The following ZMIZ1 variants were observed in gnomAD, a reference collection of about 807,000 sequenced individuals.
The protein encoded by ZMIZ1 is zinc finger MIZ-type containing 1.
ZMIZ1 carries 17 observed loss-of-function variants against 113.9 expected under a neutral mutation model. That is an observed-to-expected ratio of 0.15 (90% confidence interval 0.10 to 0.22). ZMIZ1 has a LOEUF of 0.22. Among genes scored for constraint, ZMIZ1 ranks in the 10% least tolerant of loss-of-function variants. The pLI is 1.00. For synonymous variants in ZMIZ1, 607 were observed against 603.1 expected (o/e 1.01, Z -0.09); for missense variants, 1,059 against 1,477.8 (o/e 0.72, Z 4.65).
chr10:79,199,767 G>A (rs1224944497), intron 4 of ZMIZ1, among the ~76,000 whole-genome samples: 3 of 152,132 alleles, frequency 2.0e-5, no homozygotes, highest in Admixed American at 6.5e-5. Context: ...ATATCTTTGT[G>A]GACTTTCTGA....
chr10:79,195,319 T>C (rs996458143), intron 4 of ZMIZ1, among the ~76,000 whole-genome samples: 1 of 152,224 alleles, frequency 6.6e-6, no homozygotes, highest in Admixed American at 6.5e-5. Context: ...TCCCCCATGC[T>C]GATTAGCTTT....
chr10:79,071,068 C>T (rs983603827), intron 1 of ZMIZ1, among the ~76,000 whole-genome samples: 1 of 152,200 alleles, frequency 6.6e-6, no homozygotes. Context: ...CATTTGGAGC[C>T]CTCTGGGTGG....
At chr10:79,094,312 A>G (rs1044365724) in intron 1 of ZMIZ1, among the ~76,000 whole-genome samples, 1 of 152,082 alleles carries the variant, frequency 6.6e-6, no homozygotes, top group Admixed American at 6.5e-5. Context: ...GCTGGGGCCA[A>G]GGCGGCCTCT....
At chr10:79,257,553 G>GGCATTGGGAGGTGCTA (rs1276653634) in intron 7 of ZMIZ1, among the ~76,000 whole-genome samples, 1 of 152,262 alleles carries the variant, frequency 6.6e-6, no homozygotes, top group South Asian at 2.1e-4. Context: ...CCCTGTGCCT[G>GGCATTGGGAGGTGCTA]GCATTGGGAG....
chr10:79,220,298 G>A (rs1848912919), intron 7 of ZMIZ1, among the ~76,000 whole-genome samples: 1 of 152,186 alleles, frequency 6.6e-6, no homozygotes, highest in Admixed American at 6.5e-5. Context: ...GCTTCCATGT[G>A]TCTGTCTCTT....
Position 79,312,751 on chromosome 10 carries a change from G to T in ZMIZ1, c.*2G>T. The stretch of plus-strand genomic sequence containing the variant: ...CTGTCTCTATTTGAGAACAACTGAG[G>T]GCCACCCGGTCGGGGCCATCCCTCC... On this transcript the variant is annotated 3_prime_UTR_variant, in exon 25 of 25. Transcript: ENST00000334512. The T allele has an allele frequency of 6.2e-7, 1 of 1,613,924 alleles. No individual in the cohort carries two copies. Among genetic ancestry groups the T allele is most frequent in the Non-Finnish European group, 8.5e-7 (1 of 1,179,784 alleles).
chr10:79,232,276 T>G (rs1446941617), intron 7 of ZMIZ1, among the ~76,000 whole-genome samples: 1 of 152,136 alleles, frequency 6.6e-6, no homozygotes, highest in African/African-American at 2.4e-5. Context: ...TGAGACAGAA[T>G]AGGTGAGTGG....
At chr10:79,272,847 C>T (rs1161047281) in intron 7 of ZMIZ1, among the ~76,000 whole-genome samples, 1 of 152,186 alleles carries the variant, frequency 6.6e-6, no homozygotes, top group Non-Finnish European at 1.5e-5. Context: ...GATTAAGGCT[C>T]AGCATTGGCA....
At chr10:79,096,579 G>A (rs1368639622) in intron 1 of ZMIZ1, among the ~76,000 whole-genome samples, 1 of 151,642 alleles carries the variant, frequency 6.6e-6, no homozygotes, top group Non-Finnish European at 1.5e-5. Flanking sequence ...TGGAGGTGAG[G>A]GGTGGGAAGG....
At chr10:79,260,708 C>T (rs556772095) in intron 7 of ZMIZ1, among the ~76,000 whole-genome samples, 39 of 152,258 alleles carry the variant, frequency 2.6e-4, no homozygotes, top group Admixed American at 2.3e-3. Context: ...GTGGAATCAT[C>T]GGATGTGATG....
chr10:79,261,897 A>T (rs1334592425), intron 7 of ZMIZ1, among the ~76,000 whole-genome samples: 3 of 152,174 alleles, frequency 2.0e-5, no homozygotes, highest in African/African-American at 7.2e-5. Flanking sequence ...ATAGTTCATA[A>T]CTAGTAGATA....
chr10:79,215,877 A>T (rs1304701305), intron 6 of ZMIZ1, among the ~76,000 whole-genome samples: 1 of 152,110 alleles, frequency 6.6e-6, no homozygotes, highest in Non-Finnish European at 1.5e-5. Context: ...GACTTCTAAA[A>T]TGTGGTCGAA....
At chr10:79,217,153 G>A (rs1456918355) in intron 7 of ZMIZ1, among the ~76,000 whole-genome samples, 1 of 152,252 alleles carries the variant, frequency 6.6e-6, no homozygotes, top group Non-Finnish European at 1.5e-5. Flanking sequence ...GCCGGGCGCG[G>A]TGGCTCACGC....
chr10:79,293,823 G>T, intron 12 of ZMIZ1, 170 bp downstream of exon 12: 1 of 1,001,572 alleles, frequency 1.0e-6, no homozygotes, highest in East Asian at 2.6e-5. Context: ...TGGTTCTGCT[G>T]TTTCCCAACT....
rs1854679557 is a variant in ZMIZ1, at chr10:79,306,186, C to T, written c.2510C>T (p.Pro837Leu). Residue 837 changes from proline to leucine, a missense_variant, in exon 22 of 25, where the codon CCT becomes CTT. Transcript: ENST00000334512. ...TCGGACTTACACATCAAGGACGACC[C>T]TGATGGCATCCCCTCCAAGCGGTTC... is the stretch of plus-strand genomic sequence containing the variant. ...IKSDLHIKDDPDGIPSKRFKT... is the reference protein window; with the variant it reads ...IKSDLHIKDDLDGIPSKRFKT... The T allele has an allele frequency of 6.2e-7, 1 of 1,614,056 alleles. No individual in the cohort carries two copies. The highest frequency in any genetic ancestry group is 8.5e-7 in the Non-Finnish European group (1 of 1,180,034).
At chr10:79,212,837 G>T (rs1045472097) in intron 6 of ZMIZ1, among the ~76,000 whole-genome samples, 5 of 152,038 alleles carry the variant, frequency 3.3e-5, no homozygotes, top group African/African-American at 1.2e-4. Flanking sequence ...ACTCTTGGGT[G>T]TAAGCTATCC....
intron 4 of ZMIZ1, among the ~76,000 whole-genome samples, chr10:79,196,037 T>C (rs1847818793): frequency 6.6e-6 from 1 of 152,090 alleles, no homozygotes; most frequent in South Asian, 2.1e-4. Flanking sequence ...GCACCCTTCC[T>C]CTCTTTATGC....
At chr10:79,099,368 G>T (rs1037178221) in intron 1 of ZMIZ1, among the ~76,000 whole-genome samples, 2 of 152,130 alleles carry the variant, frequency 1.3e-5, no homozygotes, top group Non-Finnish European at 2.9e-5. Flanking sequence ...CTTTGAAAAG[G>T]TCCTTCCCCC....
At chr10:79,220,515 C>T (rs968276385) in intron 7 of ZMIZ1, among the ~76,000 whole-genome samples, 5 of 152,218 alleles carry the variant, frequency 3.3e-5, no homozygotes, top group African/African-American at 1.2e-4. Context: ...AGAGCTCGCT[C>T]CAGCCCCCAA....
Sources: allele counts gnomAD v4.1 joint callset (sites outside exome capture counted in the v4.1 genomes callset), GRCh38; gene constraint gnomAD v4.1.1; transcripts MANE v1.5; gene names NCBI Gene and HGNC (gene_info 2026-07-23, HGNC 2026-07-21).